Variants in DLGAP1 observed in about 807,000 individuals in gnomAD.
DLGAP1 encodes disks large-associated protein 1.
Under a neutral mutation model 90.8 loss-of-function variants are expected in DLGAP1, and 11 were observed. That is an observed-to-expected ratio of 0.12 (90% CI 0.08 to 0.20). The LOEUF is 0.20. DLGAP1 is among the 10% of genes least tolerant of loss of function. The pLI is 1.00. For missense variants in DLGAP1, 1,050 were observed against 1,333.8 expected, an observed-to-expected ratio of 0.79 and a Z score of 3.31; for synonymous variants, 558 against 540.7, an observed-to-expected ratio of 1.03 and a Z score of -0.44.
chr18:4,291,752 T>C (rs1245370000), intron 1 of DLGAP1, among the ~76,000 whole-genome samples: 3 of 152,178 alleles, frequency 2.0e-5, no homozygotes, highest in Non-Finnish European at 4.4e-5. Flanking sequence ...AGGAAGCCTA[T>C]GGTCTACTAA....
chr18:4,284,968 A>G (rs1334213799), intron 1 of DLGAP1, among the ~76,000 whole-genome samples: 1 of 152,266 alleles, frequency 6.6e-6, no homozygotes, highest in Admixed American at 6.5e-5. Context: ...GCAATAAAGC[A>G]AATGCTCCTG....
intron 3 of DLGAP1, among the ~76,000 whole-genome samples, chr18:3,965,940 C>CAAAAAA (rs544643910): frequency 2.5e-4 from 25 of 100,512 alleles, no homozygotes; most frequent in East Asian, 9.7e-4. Context: ...GACTCCATGT[C>CAAAAAA]AAAAAAAAAA....
chr18:3,555,368 C>G (rs1418315740), intron 9 of DLGAP1, among the ~76,000 whole-genome samples: 4 of 152,136 alleles, frequency 2.6e-5, no homozygotes, highest in African/African-American at 9.7e-5. Flanking sequence ...ATATTTTACT[C>G]AGTTTACTGA....
intron 7 of DLGAP1, among the ~76,000 whole-genome samples, chr18:3,718,551 A>T (rs941274874): frequency 6.6e-6 from 1 of 152,166 alleles, no homozygotes; most frequent in Non-Finnish European, 1.5e-5. Flanking sequence ...GCCTTGCCCA[A>T]AACCCCCACT....
intron 7 of DLGAP1, among the ~76,000 whole-genome samples, chr18:3,587,344 C>A (rs747272313): frequency 7.2e-5 from 11 of 152,226 alleles, no homozygotes; most frequent in Non-Finnish European, 1.6e-4. Flanking sequence ...CATGAGCCAC[C>A]GCTCCCTGCA....
intron 1 of DLGAP1, among the ~76,000 whole-genome samples, chr18:4,295,862 C>T (rs1051962325): frequency 5.3e-5 from 8 of 152,168 alleles, no homozygotes; most frequent in African/African-American, 1.9e-4. Context: ...AGGCCTCCAG[C>T]TATGCTTGTT....
At chr18:3,614,195 C>T (rs919203464) in intron 7 of DLGAP1, among the ~76,000 whole-genome samples, 1 of 82,506 alleles carries the variant, frequency 1.2e-5, no homozygotes, top group South Asian at 4.5e-4. Context: ...GCTAGGATTA[C>T]AGGCGAGCCA....
At chr18:3,987,098 A>G (rs1157368611) in intron 3 of DLGAP1, among the ~76,000 whole-genome samples, 1 of 152,198 alleles carries the variant, frequency 6.6e-6, no homozygotes, top group African/African-American at 2.4e-5. Context: ...TGACTGTGCT[A>G]GCTTTGAGAA....
intron 1 of DLGAP1, among the ~76,000 whole-genome samples, chr18:4,420,626 G>A (rs1166866482): frequency 6.6e-6 from 1 of 152,004 alleles, no homozygotes. Context: ...CATACCCAAG[G>A]ATTTAGTTAT....
chr18:4,250,585 A>G (rs1204438798), intron 1 of DLGAP1, among the ~76,000 whole-genome samples: 1 of 152,176 alleles, frequency 6.6e-6, no homozygotes, highest in Non-Finnish European at 1.5e-5. Context: ...ATTTAGTGGC[A>G]TTGTACCTTC....
chr18:4,162,994 C>T (rs767238977), intron 1 of DLGAP1, among the ~76,000 whole-genome samples: 1 of 152,038 alleles, frequency 6.6e-6, no homozygotes, highest in Non-Finnish European at 1.5e-5. Context: ...ATGTTAAATG[C>T]TTGAGTCTGA....
chr18:4,165,153 G>A, intron 1 of DLGAP1, among the ~76,000 whole-genome samples: 1 of 152,036 alleles, frequency 6.6e-6, no homozygotes, highest in East Asian at 1.9e-4. Context: ...CTCCAAACAA[G>A]ATAAACCCCA....
chr18:4,316,598 T>C (rs544582778), intron 1 of DLGAP1, among the ~76,000 whole-genome samples: 6 of 152,196 alleles, frequency 3.9e-5, no homozygotes, highest in Admixed American at 3.9e-4. Context: ...AAGACAACAA[T>C]GATGGAGGCC....
intron 8 of DLGAP1, among the ~76,000 whole-genome samples, chr18:3,572,574 C>G (rs2054876034): frequency 6.6e-6 from 1 of 152,128 alleles, no homozygotes. Context: ...CTCAGCCTCC[C>G]GAGTAGCTGG....
At chr18:4,258,194 G>A (rs182115566) in intron 1 of DLGAP1, among the ~76,000 whole-genome samples, 1 of 152,076 alleles carries the variant, frequency 6.6e-6, no homozygotes, top group African/African-American at 2.4e-5. Context: ...GCGCCACTAC[G>A]CCTGGCTAAT....
At chr18:3,895,305 ACACACACACACACACAT>A (rs1414311379) in intron 3 of DLGAP1, among the ~76,000 whole-genome samples, 1 of 151,010 alleles carries the variant, frequency 6.6e-6, no homozygotes, top group Non-Finnish European at 1.5e-5. Context: ...ACACACACAC[ACACACACACACACACAT>A]CATCATCATC....
At chr18:3,962,641 T>C (rs1404106247) in intron 3 of DLGAP1, among the ~76,000 whole-genome samples, 1 of 152,194 alleles carries the variant, frequency 6.6e-6, no homozygotes, top group Non-Finnish European at 1.5e-5. Context: ...CTATCCATCA[T>C]TCCTACATCA....
At chr18:3,679,820 G>C (rs958933455) in intron 7 of DLGAP1, 25 of 144,678 alleles carry the variant, frequency 1.7e-4, no homozygotes, top group African/African-American at 6.4e-4. Flanking sequence ...TATCATTATG[G>C]TTTTCTTTTT....
chr18:3,500,148 C>T (rs1446617121), intron 12 of DLGAP1, among the ~76,000 whole-genome samples: 1 of 152,146 alleles, frequency 6.6e-6, no homozygotes, highest in Non-Finnish European at 1.5e-5. Flanking sequence ...GGGGCAGAAA[C>T]TGTGCCATGA....
Sources: gnomAD v4.1 joint callset for allele counts (sites outside exome capture counted in the v4.1 genomes callset) on GRCh38, gnomAD v4.1.1 for gene constraint, MANE v1.5 for transcripts, NCBI Gene and HGNC (gene_info 2026-07-23, HGNC 2026-07-21) for gene names.